PTGIS: variants seen among roughly 807,000 people sequenced by gnomAD.
PTGIS encodes prostaglandin I2 synthase.
Under a neutral mutation model 50.3 loss-of-function variants are expected in PTGIS, and 45 were observed. The observed-to-expected ratio is 0.90, with a 90% CI of 0.70 to 1.15. The LOEUF (loss-of-function observed/expected upper bound fraction) is 1.15. PTGIS is among the 50% of genes most tolerant of loss of function. The pLI is 0.00. For synonymous variants in PTGIS, 260 were observed against 267.7 expected, an observed-to-expected ratio of 0.97 and a Z score of 0.28; for missense variants, 668 against 661.3, an observed-to-expected ratio of 1.01 and a Z score of -0.11.
intron 6 of PTGIS, among the ~76,000 whole-genome samples, chr20:49,523,148 A>T (rs1248118440): frequency 6.6e-6 from 1 of 152,234 alleles, no homozygotes; most frequent in African/African-American, 2.4e-5. Context: ...CAACTGGCAA[A>T]ACTGGAATAC....
chr20:49,533,916 G>A (rs942992664), intron 5 of PTGIS, among the ~76,000 whole-genome samples: 5 of 152,050 alleles, frequency 3.3e-5, no homozygotes, highest in South Asian at 2.1e-4. Context: ...AGCTAAGATC[G>A]TGCCACTGCA....
chr20:49,549,983 C>T (rs941071159), intron 2 of PTGIS, 83 bp downstream of exon 2: 10 of 1,603,164 alleles, frequency 6.2e-6, no homozygotes, highest in African/African-American at 1.3e-5. Flanking sequence ...GGCATAGGGA[C>T]ATATGTTGAA....
intron 1 of PTGIS, among the ~76,000 whole-genome samples, chr20:49,558,416 T>C (rs1357179916): frequency 6.6e-6 from 1 of 151,978 alleles, no homozygotes; most frequent in Admixed American, 6.6e-5. Flanking sequence ...AGAAAATAAG[T>C]GTTAGCAAGG....
rs1377710099 is a variant in PTGIS, at chr20:49,539,722, C to G, written c.522-1G>C. 13 of 1,610,540 alleles carry G rather than the reference C, an allele frequency of 8.1e-6. No individual in the cohort carries two copies. The highest frequency in any genetic ancestry group is 1.1e-5 in the Non-Finnish European group (13 of 1,179,658). On this transcript the variant is annotated splice_acceptor_variant, in intron 4 of 9. Coordinates refer to ENST00000244043, the MANE Select transcript of PTGIS (RefSeq NM_000961.4). LOFTEE classifies it high-confidence loss of function. The stretch of plus-strand genomic sequence containing the variant: ...TCCGTAAAGAGTCAGGTAGCCGGCT[C>G]TGGGGGCGGCAGACAGAGGGTCAGG...
chr20:49,535,412 T>G (rs148357474), intron 5 of PTGIS, among the ~76,000 whole-genome samples: 74 of 152,274 alleles, frequency 4.9e-4, no homozygotes, highest in African/African-American at 1.8e-3. Flanking sequence ...TGAAATGGTA[T>G]AAAAGCAAAA....
Position 49,506,061 on chromosome 20 carries a change from C to T in PTGIS, c.*1859G>A, listed in dbSNP as rs1439569682. The T allele has an allele frequency of 2.6e-5, 4 of 152,762 alleles. No individual in the cohort carries two copies. The highest frequency in any genetic ancestry group is 5.9e-5 in the Non-Finnish European group (4 of 68,120). 9.5% of individuals were successfully genotyped at this position (152,762 alleles called of 1,614,324 possible). A position where few individuals can be genotyped will look rare whatever the true frequency, so the allele number is the denominator to read the frequency against. ...GAAGTCGAGAAGAATTGTCCCATCA[C>T]CAGTCCCCTTGAGCCCAAAGAACAG... On this transcript the variant is annotated 3_prime_UTR_variant, in exon 10 of 10. Transcript: ENST00000244043.
At chr20:49,564,611 G>A (rs994903442) in intron 1 of PTGIS, among the ~76,000 whole-genome samples, 3 of 152,106 alleles carry the variant, frequency 2.0e-5, no homozygotes, top group African/African-American at 7.2e-5. Flanking sequence ...GGTACATGGG[G>A]CTTCTTACCG....
At chr20:49,533,854 G>C (rs1261522679) in intron 5 of PTGIS, among the ~76,000 whole-genome samples, 1 of 152,022 alleles carries the variant, frequency 6.6e-6, no homozygotes, top group Non-Finnish European at 1.5e-5. Context: ...CCAGCTACTC[G>C]GGGGGCTGAG....
At position 49,506,566 on chromosome 20, in the gene PTGIS, C is replaced by T. The variant is rs996306150; in HGVS notation, c.*1354G>A. On this transcript the variant is annotated 3_prime_UTR_variant, in exon 10 of 10. Transcript: ENST00000244043. ...CTAATTTTTTTATGTTTAGTAGAGA[C>T]GGGGTTTCGCCATGTTGGCCAGGCT... is the stretch of plus-strand genomic sequence containing the variant. 6 of 152,082 alleles carry T rather than the reference C, an allele frequency of 3.9e-5. No individual in the cohort carries two copies. Among genetic ancestry groups the T allele is most frequent in the African/African-American group, 7.2e-5 (3 of 41,392 alleles). 9.4% of individuals were successfully genotyped at this position (152,082 alleles called of 1,614,324 possible).
chr20:49,513,816 A>T (rs1340830429), intron 7 of PTGIS, among the ~76,000 whole-genome samples: 1 of 152,128 alleles, frequency 6.6e-6, no homozygotes, highest in African/African-American at 2.4e-5. Flanking sequence ...AGTCTCACAG[A>T]GCCAGGAGGA....
intron 1 of PTGIS, among the ~76,000 whole-genome samples, chr20:49,558,335 G>A (rs900084558): frequency 6.6e-6 from 1 of 152,206 alleles, no homozygotes; most frequent in Non-Finnish European, 1.5e-5. Flanking sequence ...GCTATAATGA[G>A]CTGTGACTGT....
rs920486917 is a variant in PTGIS at position 49,553,724 on chromosome 20, G to A, written c.75-3535C>T. 3.3e-5 allele frequency among the ~76,000 whole-genome samples: 5 copies of A among 151,860 alleles called. No homozygotes were observed. In the South Asian group the frequency reaches 8.3e-4, roughly 25 times the overall value. ...CGTAAAAAGAATAAGTAAATAAGAA[G>A]CATGTAAAGAAAATTATAAAGGGGT... On this transcript the variant is annotated intron_variant, in intron 1 of 9. Transcript: ENST00000244043.
chr20:49,519,085 T>C (rs1035072850), intron 6 of PTGIS, among the ~76,000 whole-genome samples: 2 of 152,134 alleles, frequency 1.3e-5, no homozygotes, highest in Non-Finnish European at 2.9e-5. Flanking sequence ...ATCAGTGGGC[T>C]CAGAGCTGGC....
At chr20:49,548,637 G>A (rs1181462611) in intron 2 of PTGIS, among the ~76,000 whole-genome samples, 1 of 151,796 alleles carries the variant, frequency 6.6e-6, no homozygotes, top group South Asian at 2.1e-4. Context: ...GATGGATGCT[G>A]TTGGGTAAAT....
rs1981124288 is a variant in PTGIS, at chr20:49,505,435, G to C, written c.*2485C>G. The C allele has an allele frequency of 6.6e-6, 1 of 152,202 alleles. No homozygotes were observed. Among genetic ancestry groups the C allele is most frequent in the South Asian group, 2.1e-4 (1 of 4,824 alleles). 9.4% of individuals were successfully genotyped at this position (152,202 alleles called of 1,614,324 possible). A position where few individuals can be genotyped will look rare whatever the true frequency, so the allele number is the denominator to read the frequency against. Reference sequence around the variant, plus strand: ...GGTAACAGCTGGAGCTGCCTGGTGGGAGCACATCTTTTCCTTGAGTGTAAT... The same window carrying C: ...GGTAACAGCTGGAGCTGCCTGGTGGCAGCACATCTTTTCCTTGAGTGTAAT... On this transcript the variant is annotated 3_prime_UTR_variant, in exon 10 of 10. Transcript: ENST00000244043.
chr20:49,538,492 G>A (rs1043499048), intron 5 of PTGIS, among the ~76,000 whole-genome samples: 17 of 152,158 alleles, frequency 1.1e-4, no homozygotes, highest in Admixed American at 9.2e-4. Flanking sequence ...ACATCAAGTT[G>A]AGTGAAAGAA....
chr20:49,553,720 A>G (rs1248825524), intron 1 of PTGIS, among the ~76,000 whole-genome samples: 1 of 151,898 alleles, frequency 6.6e-6, no homozygotes, highest in Non-Finnish European at 1.5e-5. Flanking sequence ...TAAGTAAATA[A>G]GAAGCATGTA....
chr20:49,564,342 C>T (rs6067126), intron 1 of PTGIS, among the ~76,000 whole-genome samples: 43,761 of 151,934 alleles, frequency 0.29, 6,831 homozygotes, highest in Middle Eastern at 0.38. Context: ...AGCTCCGCCT[C>T]CTGGGTTCAC....
At position 49,568,134 on chromosome 20, in the gene PTGIS, T is replaced by TGGCGGGGCC. The variant is rs1982957261; in HGVS notation, c.-19_-18insGGCCCCGCC. The TGGCGGGGCC allele has an allele frequency of 1.7e-6, 2 of 1,185,536 alleles. No individual in the cohort carries two copies. Among genetic ancestry groups the TGGCGGGGCC allele is most frequent in the Non-Finnish European group, 2.2e-6 (2 of 921,144 alleles). 73.4% of individuals were successfully genotyped at this position (1,185,536 alleles called of 1,614,324 possible). A position where few individuals can be genotyped will look rare whatever the true frequency, so the allele number is the denominator to read the frequency against. On this transcript the variant is annotated 5_prime_UTR_variant, in exon 1 of 10. Coordinates refer to ENST00000244043, the MANE Select transcript of PTGIS (RefSeq NM_000961.4). ...CAAGCCATCGCGGGGCTGGCGGGGCTGGCGGGGCTGGCGGGGCTGGCGGCC... is the reference window on the plus strand; with the variant it reads ...CAAGCCATCGCGGGGCTGGCGGGGCTGGCGGGGCCGGCGGGGCTGGCGGGGCTGGCGGCC...
Sources: gnomAD v4.1 joint callset for allele counts (sites outside exome capture counted in the v4.1 genomes callset) on GRCh38, gnomAD v4.1.1 for gene constraint, MANE v1.5 for transcripts, NCBI Gene and HGNC (gene_info 2026-07-23, HGNC 2026-07-21) for gene names.